SCUBE2: variants seen among roughly 807,000 people sequenced by gnomAD.
The protein encoded by SCUBE2 is signal peptide, CUB and EGF-like domain-containing protein 2.
A neutral mutation model predicts 125.9 loss-of-function variants in SCUBE2; 114 were observed. The observed-to-expected ratio is 0.91, with a 90% CI of 0.78 to 1.06. The LOEUF (loss-of-function observed/expected upper bound fraction) is 1.06. Ranked by LOEUF, SCUBE2 falls within the 50% of genes least tolerant of loss-of-function variation. The probability of loss-of-function intolerance (pLI) is 0.00; values close to 1 mark genes in which losing one functional copy is unlikely to be tolerated. For missense variants in SCUBE2, 1,255 were observed against 1,301.8 expected (o/e 0.96, Z 0.55); for synonymous variants, 459 against 492.9 (o/e 0.93, Z 0.91).
At chr11:9,061,799 T>C (rs1184648384) in intron 7 of SCUBE2, among the ~76,000 whole-genome samples, 4 of 152,174 alleles carry the variant, frequency 2.6e-5, no homozygotes, top group Non-Finnish European at 5.9e-5. Flanking sequence ...GAGCAGTATC[T>C]GGCGTAGAAG....
chr11:9,081,588 G>C (rs2135931388), intron 2 of SCUBE2, among the ~76,000 whole-genome samples: 1 of 152,210 alleles, frequency 6.6e-6, no homozygotes, highest in East Asian at 1.9e-4. Context: ...GGGAGGCTGA[G>C]GTGAGAGGAT....
intron 20 of SCUBE2, 80 bp downstream of exon 20, chr11:9,027,281 GCCT>G: frequency 7.4e-7 from 1 of 1,343,546 alleles, no homozygotes; most frequent in Non-Finnish European, 1.1e-6. Context: ...TTCTAGGCCT[GCCT>G]CCTCACATTG....
intron 19 of SCUBE2, among the ~76,000 whole-genome samples, chr11:9,029,498 C>CAGCCTCCTTGCAGCCTTCCT (rs1169461469): frequency 6.6e-6 from 1 of 152,248 alleles, no homozygotes; most frequent in Non-Finnish European, 1.5e-5. Flanking sequence ...AGCCTCACTG[C>CAGCCTCCTTGCAGCCTTCCT]CTGAGCTCCT....
At chr11:9,084,577 C>T (rs1187319586) in intron 2 of SCUBE2, among the ~76,000 whole-genome samples, 1 of 152,078 alleles carries the variant, frequency 6.6e-6, no homozygotes, top group Non-Finnish European at 1.5e-5. Flanking sequence ...CCAGTAAACC[C>T]CATCTTGCTC....
intron 12 of SCUBE2, 77 bp from the exon 13 acceptor site, chr11:9,052,909 C>A: frequency 2.5e-6 from 3 of 1,195,954 alleles, no homozygotes; most frequent in Non-Finnish European, 3.6e-6. Flanking sequence ...ACTGTCCCCC[C>A]ACCCCACTCC....
At chr11:9,039,823 C>T (rs1030348919) in intron 16 of SCUBE2, among the ~76,000 whole-genome samples, 6 of 152,160 alleles carry the variant, frequency 3.9e-5, no homozygotes, top group South Asian at 2.1e-4. Flanking sequence ...GACTGACTCT[C>T]GCCTCTCAAT....
chr11:9,033,081 A>G (rs1856453188), intron 17 of SCUBE2, among the ~76,000 whole-genome samples: 1 of 152,214 alleles, frequency 6.6e-6, no homozygotes, highest in Non-Finnish European at 1.5e-5. Flanking sequence ...CTCCCATTTA[A>G]TAAAAGGAAG....
Position 9,029,988 on chromosome 11 carries a change from G to A in SCUBE2, c.2399C>T (p.Pro800Leu). ...AAATTCAGGCTGGTATGTTCCCACT[G>A]GGCAACGAATACATCGGTGAGTGGT... ...NTTTHRCIRC[P>L]VGTYQPEFGK... Residue 800 changes from proline (P) to leucine (L), a missense_variant, in exon 19 of 23, where the codon CCA (proline) becomes CTA (leucine). Physicochemically the swap from Pro to Leu is moderately conservative, Grantham distance 98. Transcript: ENST00000649792. The A allele has an allele frequency of 8.1e-6, 13 of 1,614,204 alleles. No homozygotes were observed. Among genetic ancestry groups the A allele is most frequent in the Non-Finnish European group, 1.1e-5 (13 of 1,180,044 alleles).
At chr11:9,046,182 AT>A (rs531200901) in intron 16 of SCUBE2, among the ~76,000 whole-genome samples, 10 of 150,746 alleles carry the variant, frequency 6.6e-5, no homozygotes, top group African/African-American at 2.2e-4. Context: ...AATTTTTTGT[AT>A]TTTTTTAGTA....
chr11:9,030,687 C>A, intron 18 of SCUBE2, 71 bp downstream of exon 18: 3 of 1,472,562 alleles, frequency 2.0e-6, no homozygotes, highest in South Asian at 2.6e-5. Flanking sequence ...TTGACTGGAG[C>A]CTCACGAGAC....
intron 2 of SCUBE2, among the ~76,000 whole-genome samples, chr11:9,081,394 C>G (rs905302944): frequency 6.6e-6 from 1 of 151,944 alleles, no homozygotes; most frequent in Non-Finnish European, 1.5e-5. Flanking sequence ...TACTTTCTGA[C>G]TCTATGATTT....
intron 2 of SCUBE2, among the ~76,000 whole-genome samples, chr11:9,081,041 A>G (rs1005599089): frequency 6.6e-6 from 1 of 152,240 alleles, no homozygotes; most frequent in African/African-American, 2.4e-5. Context: ...CCACAATGAG[A>G]TGCCATTTCA....
At chr11:9,069,318 G>A in intron 5 of SCUBE2, 52 bp downstream of exon 5, 1 of 1,604,552 alleles carries the variant, frequency 6.2e-7, no homozygotes, top group East Asian at 2.2e-5. Flanking sequence ...ACAGAAGGCA[G>A]CCTGTGGAAT....
chr11:9,065,758 G>A (rs1590112401), intron 7 of SCUBE2, 133 bp downstream of exon 7: 1 of 695,746 alleles, frequency 1.4e-6, no homozygotes, highest in African/African-American at 1.8e-5. Flanking sequence ...CACACACCCT[G>A]GTTCACAGGA....
intron 17 of SCUBE2, 137 bp from the exon 18 acceptor site, chr11:9,031,062 G>A: frequency 1.4e-6 from 1 of 727,934 alleles, no homozygotes; most frequent in Middle Eastern, 3.9e-4. Context: ...AGAGCACACA[G>A]TCAATGCTGT....
intron 19 of SCUBE2, among the ~76,000 whole-genome samples, chr11:9,029,437 C>T (rs1200839712): frequency 6.6e-6 from 1 of 152,258 alleles, no homozygotes; most frequent in African/African-American, 2.4e-5. Context: ...TCACACCCTC[C>T]AGAAGCCTTT....
In SCUBE2 at chr11:9,048,099, C is replaced by T; in HGVS notation, c.1640-1G>A. ...CTCTCTTTTACTGAGCTGTGCTTCT[C>T]TGTATGAAGAAACAAAATTATCGGA... On this transcript the variant is annotated splice_acceptor_variant, in intron 14 of 22. Coordinates refer to ENST00000649792, the MANE Select transcript of SCUBE2 (RefSeq NM_001367977.2). LOFTEE classifies it high-confidence loss of function. The T allele has an allele frequency of 6.2e-7, 1 of 1,601,496 alleles. No homozygotes were observed. Among genetic ancestry groups the T allele is most frequent in the Non-Finnish European group, 8.5e-7 (1 of 1,174,480 alleles).
chr11:9,090,040 A>G (rs1862502829), intron 1 of SCUBE2, among the ~76,000 whole-genome samples: 3 of 151,698 alleles, frequency 2.0e-5, no homozygotes, highest in Admixed American at 2.0e-4. Flanking sequence ...CCCCACCATC[A>G]CCTACTGGCC....
rs142242649 is a variant in SCUBE2, at chr11:9,059,402, T to C, written c.991A>G (p.Asn331Asp). Residue 331 changes from asparagine to aspartate, a missense_variant, in exon 9 of 23, where the codon AAT (asparagine) becomes GAT (aspartate). This residue lies in a region of SCUBE2 where 378 missense variants were observed against 463.1 expected (regional missense o/e 0.82). Coordinates refer to ENST00000649792, the MANE Select transcript of SCUBE2 (RefSeq NM_001367977.2). ...TTGCAGAAATGATCACAACCTCCAT[T>C]GCGGGTCTGGCACTCATCAATATCT... Reference protein sequence around the residue: ...CKDIDECQTRNGGCDHFCKNI... With the variant: ...CKDIDECQTRDGGCDHFCKNI... 1 of 1,614,186 alleles carries C rather than the reference T, an allele frequency of 6.2e-7. No individual in the cohort carries two copies. The highest frequency in any genetic ancestry group is 2.2e-5 in the East Asian group (1 of 44,890).
Sources: gnomAD v4.1 joint callset for allele counts (sites outside exome capture counted in the v4.1 genomes callset) on GRCh38, gnomAD v4.1.1 for gene constraint, gnomAD v4.1.1 regional missense constraint, MANE v1.5 for transcripts, NCBI Gene and HGNC (gene_info 2026-07-23, HGNC 2026-07-21) for gene names.